Variants in PTPRF observed in about 807,000 individuals in gnomAD.
PTPRF encodes the protein protein tyrosine phosphatase receptor type F, also known as receptor-type tyrosine-protein phosphatase F.
In PTPRF, 59 loss-of-function variants were observed where a neutral mutation model predicts 201.8. The observed-to-expected ratio is 0.29, with a 90% confidence interval of 0.24 to 0.36. The LOEUF (loss-of-function observed/expected upper bound fraction) is 0.36. Among genes scored for constraint, PTPRF ranks in the 10% least tolerant of loss-of-function variants. The pLI is 1.00. For missense variants in PTPRF, 2,132 were observed against 2,690.5 expected (o/e 0.79, Z 4.59); for synonymous variants, 1,088 against 1,089.7 (o/e 1.00, Z 0.03).
At chr1:43,619,635 A>G in intron 28 of PTPRF, 45 bp from the exon 29 acceptor site, 2 of 1,610,562 alleles carry the variant, frequency 1.2e-6, no homozygotes, top group Non-Finnish European at 1.7e-6. Flanking sequence ...GATGACCCCC[A>G]CCCCCACAGG....
At position 43,590,967 on chromosome 1, in the gene PTPRF, T is replaced by C. The variant is rs755653549; in HGVS notation, c.950-5T>C. 1 of 1,601,154 alleles carries C rather than the reference T, an allele frequency of 6.2e-7. No individual in the cohort carries two copies. The highest frequency in any genetic ancestry group is 1.1e-5 in the South Asian group (1 of 90,628). ...GCAGCTTTGAGCCTTCCACTTTGTCTCCAGCTCTTCCAAAGCCTCCGATTG... is the reference window on the plus strand; with the variant it reads ...GCAGCTTTGAGCCTTCCACTTTGTCCCCAGCTCTTCCAAAGCCTCCGATTG... On this transcript the variant is annotated splice_polypyrimidine_tract_variant and splice_region_variant and intron_variant, in intron 8 of 33. Transcript: ENST00000359947.
chr1:43,571,003 G>C (rs1279316715), intron 6 of PTPRF, among the ~76,000 whole-genome samples: 1 of 152,176 alleles, frequency 6.6e-6, no homozygotes, highest in Non-Finnish European at 1.5e-5. Context: ...CTCCCTGCTG[G>C]CCTGGGCCCC....
At position 43,604,545 on chromosome 1, in the gene PTPRF, C is replaced by T. The variant is rs200130717; in HGVS notation, c.3037+356C>T. Among the ~76,000 whole-genome samples, 12 of 152,316 alleles carry T rather than the reference C, an allele frequency of 7.9e-5. No homozygotes were observed. The East Asian group carries it at 1.5e-3, about 20-fold the overall frequency. ...CCACCGACCTCTAGTGAACATGCTC[C>T]ACCACGCTCTGGTGTGTGGCCACAT... On this transcript the variant is annotated intron_variant, in intron 16 of 33. Coordinates refer to ENST00000359947, the MANE Select transcript of PTPRF (RefSeq NM_002840.5).
chr1:43,533,458 G>A (rs760283043), intron 1 of PTPRF, among the ~76,000 whole-genome samples: 2 of 152,120 alleles, frequency 1.3e-5, no homozygotes, highest in African/African-American at 2.4e-5. Flanking sequence ...CTGAACTATG[G>A]GAGTCTAGCT....
chr1:43,533,670 AG>A (rs1643833775), intron 1 of PTPRF, among the ~76,000 whole-genome samples: 1 of 152,132 alleles, frequency 6.6e-6, no homozygotes, highest in Non-Finnish European at 1.5e-5. Context: ...TAAGAATCCA[AG>A]GGAACTGTGT....
rs1193103349 is a variant in PTPRF at position 43,591,486 on chromosome 1, G to C, written c.1464G>C (p.Val488=). 6.3e-7 allele frequency: 1 copy of C among 1,599,706 alleles called. No individual in the cohort carries two copies. The highest frequency in any genetic ancestry group is 1.7e-5 in the Admixed American group (1 of 59,260). ...CTGGCATCACCTACAGCCTGCGCGT[G>C]CTTGCCTTCACCGCCGTGGGCGATG... ...LLPGITYSLR[V]LAFTAVGDGP... is the part of the protein sequence containing the mutation. The change falls in exon 9 of 34, where the codon GTG becomes GTC. Residue 488 remains valine, a synonymous_variant. Coordinates refer to ENST00000359947, the MANE Select transcript of PTPRF (RefSeq NM_002840.5).
At chr1:43,608,924 C>T (rs903380156) in intron 21 of PTPRF, among the ~76,000 whole-genome samples, 4 of 152,168 alleles carry the variant, frequency 2.6e-5, no homozygotes, top group African/African-American at 4.8e-5. Flanking sequence ...TTTCCCGTCC[C>T]TCCCCTGCTG....
intron 22 of PTPRF, chr1:43,612,904 T>G: frequency 2.1e-6 from 2 of 974,758 alleles, no homozygotes; most frequent in Non-Finnish European, 2.9e-6. Context: ...CCTTGAATTC[T>G]TCTCTCCCCT....
chr1:43,561,109 C>A (rs962938057), intron 5 of PTPRF, among the ~76,000 whole-genome samples: 1 of 152,090 alleles, frequency 6.6e-6, no homozygotes, highest in South Asian at 2.1e-4. Flanking sequence ...CGTGGGATGA[C>A]GAAGGACCTC....
At chr1:43,602,622 C>CA (rs1654035845) in intron 14 of PTPRF, among the ~76,000 whole-genome samples, 1 of 128,644 alleles carries the variant, frequency 7.8e-6, no homozygotes, top group Admixed American at 7.4e-5. Context: ...TCCCACTGCA[C>CA]GGTGGTCCCT....
At chr1:43,536,659 G>A (rs1454383095) in intron 1 of PTPRF, among the ~76,000 whole-genome samples, 1 of 152,244 alleles carries the variant, frequency 6.6e-6, no homozygotes, top group African/African-American at 2.4e-5. Flanking sequence ...AGACAAATGG[G>A]CCTTTAAGTT....
Position 43,578,903 on chromosome 1 carries a change from C to G in PTPRF, c.662C>G (p.Ala221Gly). 1 of 1,614,194 alleles carries G rather than the reference C, an allele frequency of 6.2e-7. No individual in the cohort carries two copies. The highest frequency in any genetic ancestry group is 8.5e-7 in the Non-Finnish European group (1 of 1,180,024). Residue 221 changes from alanine to glycine, a missense_variant, in exon 7 of 34, where the codon GCG becomes GGG. By Grantham distance (60) the Ala-to-Gly change is moderately conservative. Coordinates refer to ENST00000359947, the MANE Select transcript of PTPRF (RefSeq NM_002840.5). The part of the protein sequence containing the change: ...NSAGTRYSAP[A>G]NLYVRVRRVA... ...GCAGGCACACGTTACTCAGCCCCTG[C>G]GAACCTGTATGTGCGAGGTAAGGAC...
At chr1:43,577,469 T>G (rs1647004583) in intron 6 of PTPRF, among the ~76,000 whole-genome samples, 1 of 152,206 alleles carries the variant, frequency 6.6e-6, no homozygotes, top group Non-Finnish European at 1.5e-5. Context: ...TTCCTTCACC[T>G]CCAGCTGCCA....
At chr1:43,578,498 A>G (rs1163236602) in intron 6 of PTPRF, among the ~76,000 whole-genome samples, 1 of 152,192 alleles carries the variant, frequency 6.6e-6, no homozygotes, top group East Asian at 1.9e-4. Flanking sequence ...AGGCTCCAGT[A>G]CTGGCAAGAG....
Position 43,579,097 on chromosome 1 carries a change from G to A in PTPRF, c.679+177G>A, listed in dbSNP as rs558005512. 2.1e-4 allele frequency: 153 copies of A among 725,500 alleles called. No homozygotes were observed. In the African/African-American group the frequency reaches 2.2e-3, roughly 11 times the overall value. 44.9% of individuals were successfully genotyped at this position (725,500 alleles called of 1,614,324 possible). ...AGCTCCCACTGGGCAAGTTCCTGGC[G>A]TCTGCCACTACTTCGCCTTCCTTCC... On this transcript the variant is annotated intron_variant, in intron 7 of 33. Coordinates refer to ENST00000359947, the MANE Select transcript of PTPRF (RefSeq NM_002840.5).
chr1:43,615,364 G>T (rs1657506181), intron 23 of PTPRF, among the ~76,000 whole-genome samples: 1 of 151,986 alleles, frequency 6.6e-6, no homozygotes, highest in Non-Finnish European at 1.5e-5. Context: ...CTTCCTTCCA[G>T]CGCAGCCCTG....
rs760891458 is a variant in PTPRF, at chr1:43,606,839, C to T, written c.3728C>T (p.Ser1243Leu). 3.7e-6 allele frequency: 6 copies of T among 1,613,878 alleles called. No homozygotes were observed. The highest frequency in any genetic ancestry group is 1.3e-5 in the African/African-American group (1 of 74,930). The change falls in exon 21 of 34, where the codon TCG (serine) becomes TTG (leucine). Residue 1243 changes from serine (S) to leucine (L), a missense_variant. Ser to Leu is a moderately radical substitution (Grantham distance 145). Around this residue, in one of 6 missense-constraint regions of PTPRF, gnomAD observed 818 missense variants for 915.3 expected, o/e 0.89. Coordinates refer to ENST00000359947, the MANE Select transcript of PTPRF (RefSeq NM_002840.5). The part of the protein sequence containing the change: ...DQKRYASSPY[S>L]DEIVVQVTPA... ...AAGCGCTATGCCTCCAGCCCCTACT[C>T]GGATGAGATCGTGGTCCAGGTGACA...
Position 43,619,200 on chromosome 1 carries a change from C to T in PTPRF, c.4644C>T (p.Cys1548=), listed in dbSNP as rs868712206. 4.0e-6 allele frequency: 6 copies of T among 1,518,398 alleles called. No individual in the cohort carries two copies. In the South Asian group the frequency reaches 5.6e-5, roughly 14 times the overall value. 94.1% of individuals were successfully genotyped at this position (1,518,398 alleles called of 1,614,324 possible). The change falls in exon 27 of 34, where the codon TGC becomes TGT. Residue 1548 remains cysteine, a splice_region_variant and synonymous_variant. Transcript: ENST00000359947. ...PLDAGPMVVH[C]SAGVGRTGCF... is the part of the protein sequence containing the mutation. ...ACGCAGGGCCCATGGTGGTGCACTG[C>T]AGGTGAGAGGGTACAGTGCCACCCA...
At chr1:43,532,794 A>T (rs918821142) in intron 1 of PTPRF, among the ~76,000 whole-genome samples, 10 of 151,718 alleles carry the variant, frequency 6.6e-5, no homozygotes, top group African/African-American at 2.4e-4. Flanking sequence ...CCCAAGTACA[A>T]CCCCCTACAT....
Sources: allele counts gnomAD v4.1 joint callset (sites outside exome capture counted in the v4.1 genomes callset), GRCh38; gene constraint gnomAD v4.1.1; regional missense constraint gnomAD v4.1.1; transcripts MANE v1.5; gene names NCBI Gene and HGNC (gene_info 2026-07-23, HGNC 2026-07-21).